CDH12: variants seen among roughly 807,000 people sequenced by gnomAD.
CDH12 encodes the protein cadherin-12.
A neutral mutation model predicts 74.1 loss-of-function variants in CDH12; 41 were observed. That is an observed-to-expected ratio of 0.55 (90% confidence interval 0.43 to 0.72). The LOEUF is 0.72. CDH12 is among the 30% of genes least tolerant of loss of function. CDH12 has a pLI of 0.00. For synonymous variants in CDH12, 399 were observed against 355.0 expected (o/e 1.12, Z -1.39); for missense variants, 945 against 977.2 (o/e 0.97, Z 0.44).
At chr5:22,795,402 C>CCTGA (rs1472055587) in intron 1 of CDH12, among the ~76,000 whole-genome samples, 5 of 151,970 alleles carry the variant, frequency 3.3e-5, no homozygotes, top group African/African-American at 1.2e-4. Context: ...TAGTCCTAAA[C>CCTGA]CTGACATAAG....
At chr5:22,483,734 T>G (rs1424498716) in intron 2 of CDH12, among the ~76,000 whole-genome samples, 5 of 22,674 alleles carry the variant, frequency 2.2e-4, no homozygotes, top group African/African-American at 9.0e-4. Flanking sequence ...AGCAAGGACC[T>G]GTCTCTTTCA....
At chr5:22,750,042 A>G (rs758810641) in intron 1 of CDH12, among the ~76,000 whole-genome samples, 1 of 152,174 alleles carries the variant, frequency 6.6e-6, no homozygotes, top group African/African-American at 2.4e-5. Context: ...CATCATTCCT[A>G]ATCTAGTGCA....
intron 1 of CDH12, among the ~76,000 whole-genome samples, chr5:22,835,686 C>T (rs542054359): frequency 3.9e-5 from 6 of 152,164 alleles, no homozygotes; most frequent in Middle Eastern, 3.2e-3. Context: ...CCTCCACTAA[C>T]AAACGATTAA....
intron 4 of CDH12, among the ~76,000 whole-genome samples, chr5:22,205,552 T>C (rs938080715): frequency 6.6e-6 from 1 of 152,142 alleles, no homozygotes; most frequent in African/African-American, 2.4e-5. Flanking sequence ...TGTTTATAGA[T>C]TTTAGCAATA....
chr5:22,811,990 C>G (rs1346808374), intron 1 of CDH12, among the ~76,000 whole-genome samples: 1 of 152,026 alleles, frequency 6.6e-6, no homozygotes, highest in Non-Finnish European at 1.5e-5. Context: ...GACACTGGCT[C>G]TTTAGGGGCA....
chr5:21,956,172 A>T, intron 6 of CDH12, among the ~76,000 whole-genome samples: 1 of 152,084 alleles, frequency 6.6e-6, no homozygotes, highest in East Asian at 1.9e-4. Context: ...AATATAATAG[A>T]TAATTTACCA....
At chr5:22,343,935 T>A (rs891401143) in intron 3 of CDH12, among the ~76,000 whole-genome samples, 1 of 152,230 alleles carries the variant, frequency 6.6e-6, no homozygotes, top group African/African-American at 2.4e-5. Flanking sequence ...ATTCACTGTG[T>A]TTTTGTTTTA....
chr5:22,322,161 C>G (rs1738911774), intron 3 of CDH12, among the ~76,000 whole-genome samples: 1 of 150,310 alleles, frequency 6.7e-6, no homozygotes, highest in South Asian at 2.1e-4. Context: ...AAAACCATAG[C>G]AGACAATGGA....
At chr5:22,335,381 C>T (rs1015093860) in intron 3 of CDH12, among the ~76,000 whole-genome samples, 48 of 152,094 alleles carry the variant, frequency 3.2e-4, no homozygotes, top group Middle Eastern at 3.4e-3. Context: ...GTCAGGAGAT[C>T]GAGACCATCC....
At chr5:22,781,243 C>T (rs1462109996) in intron 1 of CDH12, among the ~76,000 whole-genome samples, 4 of 152,150 alleles carry the variant, frequency 2.6e-5, no homozygotes, top group South Asian at 2.1e-4. Context: ...AGCTCCTAAC[C>T]GTGGCAAGAA....
At chr5:22,173,784 G>A (rs1397884492) in intron 4 of CDH12, among the ~76,000 whole-genome samples, 1 of 151,710 alleles carries the variant, frequency 6.6e-6, no homozygotes, top group African/African-American at 2.4e-5. Context: ...TATTTTCGAT[G>A]TTACCATAAT....
chr5:22,320,553 T>C (rs961559582), intron 3 of CDH12, among the ~76,000 whole-genome samples: 1 of 152,162 alleles, frequency 6.6e-6, no homozygotes. Context: ...CATGCATGCA[T>C]ATGTGGAATA....
At chr5:21,836,797 A>G (rs907011685) in intron 8 of CDH12, among the ~76,000 whole-genome samples, 2 of 151,958 alleles carry the variant, frequency 1.3e-5, no homozygotes, top group Admixed American at 1.3e-4. Flanking sequence ...TCCTCTACAG[A>G]TATCCTTGAT....
At chr5:22,570,940 T>A (rs1739512846) in intron 1 of CDH12, among the ~76,000 whole-genome samples, 1 of 152,234 alleles carries the variant, frequency 6.6e-6, no homozygotes, top group Non-Finnish European at 1.5e-5. Flanking sequence ...ACATAGGAAC[T>A]CGCTGCTTCA....
intron 1 of CDH12, among the ~76,000 whole-genome samples, chr5:22,748,134 A>T (rs918606098): frequency 6.6e-6 from 1 of 152,238 alleles, no homozygotes; most frequent in Non-Finnish European, 1.5e-5. Flanking sequence ...ATATGTGTAA[A>T]TTGAAACAAG....
chr5:22,070,355 G>A (rs1299633252), intron 5 of CDH12, among the ~76,000 whole-genome samples: 1 of 152,118 alleles, frequency 6.6e-6, no homozygotes. Context: ...GGAAGTGGAC[G>A]GGTGCCAAGT....
intron 1 of CDH12, among the ~76,000 whole-genome samples, chr5:22,743,260 T>TTTTATA (rs1553997520): frequency 3.2e-4 from 29 of 90,432 alleles, no homozygotes; most frequent in South Asian, 1.3e-3. Context: ...AGCATGGAGA[T>TTTTATA]TATATATATA....
chr5:21,976,046 G>C (rs1236635507), intron 5 of CDH12, among the ~76,000 whole-genome samples: 1 of 152,046 alleles, frequency 6.6e-6, no homozygotes, highest in African/African-American at 2.4e-5. Flanking sequence ...GGAAAAATCT[G>C]GCAAATCAAG....
chr5:22,120,388 G>A (rs1745436077), intron 4 of CDH12, among the ~76,000 whole-genome samples: 1 of 152,082 alleles, frequency 6.6e-6, no homozygotes, highest in Admixed American at 6.6e-5. Flanking sequence ...TTATGTATCA[G>A]TAGATGAAGT....
Sources: allele counts gnomAD v4.1 joint callset (sites outside exome capture counted in the v4.1 genomes callset), GRCh38; gene constraint gnomAD v4.1.1; transcripts MANE v1.5; gene names NCBI Gene and HGNC (gene_info 2026-07-23, HGNC 2026-07-21).